Variants in CADPS2 observed in about 807,000 individuals in gnomAD.
CADPS2 encodes the protein calcium dependent secretion activator 2.
Under a neutral mutation model 172.5 loss-of-function variants are expected in CADPS2, and 93 were observed. That is an observed-to-expected ratio of 0.54 (90% CI 0.46 to 0.64). CADPS2 has a LOEUF of 0.64. Ranked by LOEUF, CADPS2 falls within the 30% of genes least tolerant of loss-of-function variation. CADPS2 has a pLI of 0.00. For synonymous variants in CADPS2, 546 were observed against 555.2 expected (o/e 0.98, Z 0.23); for missense variants, 1,420 against 1,565.9 (o/e 0.91, Z 1.57).
chr7:122,827,875 A>G (rs2140505192), intron 1 of CADPS2, among the ~76,000 whole-genome samples: 1 of 152,332 alleles, frequency 6.6e-6, no homozygotes, highest in East Asian at 1.9e-4. Context: ...AAAGAATTCT[A>G]CACTATGGTG....
At chr7:122,852,706 G>A (rs866594482) in intron 1 of CADPS2, among the ~76,000 whole-genome samples, 10 of 152,164 alleles carry the variant, frequency 6.6e-5, no homozygotes, top group Non-Finnish European at 1.0e-4. Flanking sequence ...GAGAGAGCAA[G>A]GGGGAGAGGT....
intron 28 of CADPS2, among the ~76,000 whole-genome samples, chr7:122,326,649 G>C (rs564727605): frequency 6.6e-6 from 1 of 151,810 alleles, no homozygotes; most frequent in Admixed American, 6.6e-5. Context: ...GTGTGCATAC[G>C]TTCTAAAGAA....
chr7:122,568,505 C>T (rs1053325105), intron 7 of CADPS2, among the ~76,000 whole-genome samples: 2 of 152,002 alleles, frequency 1.3e-5, no homozygotes, highest in African/African-American at 2.4e-5. Context: ...ATAATATTTA[C>T]ACCAAAGAGC....
intron 1 of CADPS2, among the ~76,000 whole-genome samples, chr7:122,833,391 C>A (rs765930706): frequency 2.6e-5 from 4 of 151,986 alleles, no homozygotes; most frequent in Non-Finnish European, 4.4e-5. Flanking sequence ...CGCTCTGTTG[C>A]CCGGGCTGGA....
chr7:122,699,070 T>A (rs2085620150), intron 2 of CADPS2: 6 of 607,448 alleles, frequency 9.9e-6, no homozygotes, highest in Admixed American at 7.0e-5. Flanking sequence ...TAAAGATGGC[T>A]TATGAGTTTC....
intron 7 of CADPS2, among the ~76,000 whole-genome samples, chr7:122,558,142 C>T (rs1351469142): frequency 6.6e-6 from 1 of 152,144 alleles, no homozygotes; most frequent in South Asian, 2.1e-4. Flanking sequence ...AGTATCCTAA[C>T]TAGTATATCA....
chr7:122,821,036 C>G (rs1329327767), intron 1 of CADPS2, among the ~76,000 whole-genome samples: 1 of 151,952 alleles, frequency 6.6e-6, no homozygotes, highest in Non-Finnish European at 1.5e-5. Context: ...TTCCTGGCTC[C>G]TTCAGCTATA....
At chr7:122,424,208 T>C (rs1209194234) in intron 17 of CADPS2, 2 of 439,132 alleles carry the variant, frequency 4.6e-6, no homozygotes, top group Admixed American at 6.4e-5. Context: ...CCAACTCATT[T>C]AATGACCCTG....
intron 8 of CADPS2, among the ~76,000 whole-genome samples, chr7:122,542,788 T>A (rs898243719): frequency 2.0e-5 from 3 of 152,060 alleles, no homozygotes; most frequent in Non-Finnish European, 4.4e-5. Context: ...GGTTTTATCA[T>A]CTTCCCTTTT....
intron 1 of CADPS2, among the ~76,000 whole-genome samples, chr7:122,860,938 T>C (rs1316874173): frequency 1.3e-5 from 2 of 152,186 alleles, no homozygotes; most frequent in Admixed American, 6.6e-5. Context: ...AAAATAGTAA[T>C]CTTTTTATAG....
At chr7:122,803,885 G>A (rs796741315) in intron 1 of CADPS2, among the ~76,000 whole-genome samples, 6 of 150,322 alleles carry the variant, frequency 4.0e-5, no homozygotes, top group African/African-American at 1.5e-4. Context: ...CTAGGGGATG[G>A]GTTACTTAAT....
chr7:122,697,767 A>C (rs2085346685), intron 2 of CADPS2: 1 of 1,540,730 alleles, frequency 6.5e-7, no homozygotes, highest in South Asian at 1.3e-5. Context: ...GGTTTAATAC[A>C]CTTCCTCAAA....
At chr7:122,564,514 G>A (rs1042778374) in intron 7 of CADPS2, among the ~76,000 whole-genome samples, 6 of 151,842 alleles carry the variant, frequency 4.0e-5, no homozygotes, top group Admixed American at 3.9e-4. Flanking sequence ...TCACCATACT[G>A]GCCAGGCTAG....
At chr7:122,793,259 T>A (rs996435342) in intron 1 of CADPS2, among the ~76,000 whole-genome samples, 3 of 152,176 alleles carry the variant, frequency 2.0e-5, no homozygotes, top group African/African-American at 7.2e-5. Context: ...TGTGTGGGAG[T>A]CTAAGTCTCT....
intron 2 of CADPS2, among the ~76,000 whole-genome samples, chr7:122,699,866 C>A (rs954884778): frequency 6.6e-6 from 1 of 152,150 alleles, no homozygotes; most frequent in African/African-American, 2.4e-5. Context: ...TGGCACAATT[C>A]ATTTTTTAAA....
chr7:122,596,978 G>A (rs2071899525), intron 6 of CADPS2, among the ~76,000 whole-genome samples: 1 of 152,056 alleles, frequency 6.6e-6, no homozygotes, highest in East Asian at 1.9e-4. Context: ...AGGGGAGCTG[G>A]CATGTGCAGA....
chr7:122,827,139 T>C (rs1246395397), intron 1 of CADPS2, among the ~76,000 whole-genome samples: 2 of 152,150 alleles, frequency 1.3e-5, no homozygotes, highest in African/African-American at 4.8e-5. Flanking sequence ...GAGAGACTAC[T>C]ATGAACAACT....
chr7:122,579,786 G>T (rs1012926175), intron 7 of CADPS2, among the ~76,000 whole-genome samples: 1 of 151,954 alleles, frequency 6.6e-6, no homozygotes, highest in Non-Finnish European at 1.5e-5. Context: ...GTAAGCACAT[G>T]ACTGAATGAG....
At chr7:122,529,760 C>T (rs747390585) in intron 8 of CADPS2, among the ~76,000 whole-genome samples, 2 of 151,970 alleles carry the variant, frequency 1.3e-5, no homozygotes, top group Non-Finnish European at 2.9e-5. Context: ...ATGTGGATCC[C>T]GCTTGAAGAT....
Sources: allele counts gnomAD v4.1 joint callset (sites outside exome capture counted in the v4.1 genomes callset), GRCh38; gene constraint gnomAD v4.1.1; transcripts MANE v1.5; gene names NCBI Gene and HGNC (gene_info 2026-07-23, HGNC 2026-07-21).